The following EXOC6 variants were observed in gnomAD, a reference collection of about 807,000 sequenced individuals.
EXOC6 encodes the protein exocyst complex component 6.
In EXOC6, 60 loss-of-function variants were observed where a neutral mutation model predicts 112.5. The ratio of observed to expected loss-of-function variants is 0.53; its 90% CI spans 0.43 to 0.66. EXOC6 has a LOEUF of 0.66. Ranked by LOEUF, EXOC6 falls within the 30% of genes least tolerant of loss-of-function variation. The pLI is 0.00. For synonymous variants in EXOC6, 295 were observed against 308.0 expected, an observed-to-expected ratio of 0.96 and a Z score of 0.44; for missense variants, 855 against 957.1, an observed-to-expected ratio of 0.89 and a Z score of 1.41.
chr10:92,857,670 C>A (rs1024549124), intron 1 of EXOC6, among the ~76,000 whole-genome samples: 2 of 152,142 alleles, frequency 1.3e-5, no homozygotes, highest in Non-Finnish European at 2.9e-5. Context: ...GCCACCAATA[C>A]AATTATGTAC....
At chr10:93,036,454 C>T (rs1845520891) in intron 20 of EXOC6, among the ~76,000 whole-genome samples, 1 of 151,994 alleles carries the variant, frequency 6.6e-6, no homozygotes, top group Admixed American at 6.6e-5. Flanking sequence ...TTTTTAATTT[C>T]TTTGTACTGT....
At chr10:92,951,717 A>C (rs1350129796) in intron 14 of EXOC6, among the ~76,000 whole-genome samples, 1 of 152,232 alleles carries the variant, frequency 6.6e-6, no homozygotes, top group Non-Finnish European at 1.5e-5. Context: ...TAGTTTAGCC[A>C]GGAAGGACCC....
At chr10:92,913,090 T>C (rs1233980687) in intron 6 of EXOC6, among the ~76,000 whole-genome samples, 1 of 152,246 alleles carries the variant, frequency 6.6e-6, no homozygotes, top group Non-Finnish European at 1.5e-5. Flanking sequence ...CATGCAGTTT[T>C]GTATTTACAA....
intron 18 of EXOC6, among the ~76,000 whole-genome samples, chr10:92,988,555 A>T (rs1843102058): frequency 6.6e-6 from 1 of 152,198 alleles, no homozygotes. Context: ...TCTGAAGCAC[A>T]GTCTAATTTT....
intron 1 of EXOC6, among the ~76,000 whole-genome samples, chr10:92,829,560 A>G (rs1273158328): frequency 2.0e-5 from 3 of 152,176 alleles, no homozygotes; most frequent in Non-Finnish European, 4.4e-5. Flanking sequence ...TTTCCCAGAT[A>G]TGTTTCCTAG....
At chr10:92,930,459 C>G (rs1851964393) in intron 9 of EXOC6, among the ~76,000 whole-genome samples, 1 of 151,830 alleles carries the variant, frequency 6.6e-6, no homozygotes, top group South Asian at 2.1e-4. Context: ...GCCGACATCG[C>G]ACCATTGCAC....
intron 4 of EXOC6, 48 bp from the exon 5 acceptor site, chr10:92,899,550 AT>A: frequency 7.6e-7 from 1 of 1,309,214 alleles, no homozygotes; most frequent in Non-Finnish European, 1.1e-6. Context: ...ATGTCTCAAA[AT>A]ATTTTCTTTT....
intron 1 of EXOC6, among the ~76,000 whole-genome samples, chr10:92,827,474 CAAAAAAAAAAAAAAAAA>C (rs60863083): frequency 4.8e-4 from 16 of 33,196 alleles, no homozygotes; most frequent in Admixed American, 3.5e-3. Flanking sequence ...GCCCTGTTGC[CAAAAAAAAAAAAAAAAA>C]AAAAAAAAAA....
At chr10:92,949,503 TTTTA>T (rs1454952927) in intron 14 of EXOC6, among the ~76,000 whole-genome samples, 1 of 152,166 alleles carries the variant, frequency 6.6e-6, no homozygotes, top group Non-Finnish European at 1.5e-5. Flanking sequence ...TTTTTTTTTT[TTTTA>T]GTTACTGGTA....
intron 1 of EXOC6, among the ~76,000 whole-genome samples, chr10:92,855,414 A>G (rs1199075356): frequency 6.6e-6 from 1 of 152,090 alleles, no homozygotes; most frequent in East Asian, 1.9e-4. Flanking sequence ...TATCAGGGTA[A>G]TGCTGGCCTT....
chr10:92,946,988 C>A (rs1285333815), intron 13 of EXOC6, among the ~76,000 whole-genome samples: 2 of 152,160 alleles, frequency 1.3e-5, no homozygotes, highest in Admixed American at 1.3e-4. Context: ...GTATCTATCT[C>A]TCCTATTAGA....
At chr10:92,935,730 A>G (rs553233569) in intron 11 of EXOC6, 84 bp from the exon 12 acceptor site, 8 of 951,350 alleles carry the variant, frequency 8.4e-6, no homozygotes, top group African/African-American at 1.7e-5. Flanking sequence ...AACATTATCA[A>G]TTTCTTATTT....
intron 5 of EXOC6, among the ~76,000 whole-genome samples, chr10:92,908,215 C>A (rs139347487): frequency 1.3e-5 from 2 of 151,732 alleles, no homozygotes; most frequent in Admixed American, 6.6e-5. Context: ...CTACCACGCC[C>A]GACTAATTTT....
rs1038273583 is a variant in EXOC6, at chr10:93,029,970, G to A, written c.2169+15703G>A. Among the ~76,000 whole-genome samples, 13 of 150,626 alleles carry A rather than the reference G, an allele frequency of 8.6e-5. No homozygotes were observed. In the East Asian group the frequency reaches 9.8e-4, roughly 11 times the overall value. The stretch of plus-strand genomic sequence containing the variant: ...GTTGCCCAGGCTGGAGCGCAATGGC[G>A]CGATCTCGGCTCACTGCAACCTCTG... On this transcript the variant is annotated intron_variant, in intron 20 of 21. Coordinates refer to ENST00000260762, the MANE Select transcript of EXOC6 (RefSeq NM_019053.6).
chr10:92,934,210 A>G lies in EXOC6; in HGVS notation c.1019+20A>G, dbSNP rs776262260. 3.9e-6 allele frequency: 6 copies of G among 1,526,916 alleles called. No homozygotes were observed. Among genetic ancestry groups the G allele is most frequent in the African/African-American group, 1.4e-5 (1 of 71,320 alleles). The allele number at this position is 1,526,916 out of a possible 1,614,324, so 94.6% of individuals were successfully genotyped here. ...TGTAGGGTATGTATCTAATATGGAA[A>G]TAACTATTATTAATTTTATATTATG... is the stretch of plus-strand genomic sequence containing the variant. On this transcript the variant is annotated intron_variant, in intron 10 of 21. Coordinates refer to ENST00000260762, the MANE Select transcript of EXOC6 (RefSeq NM_019053.6).
chr10:92,875,982 A>G (rs965639939), intron 1 of EXOC6, among the ~76,000 whole-genome samples: 1 of 152,082 alleles, frequency 6.6e-6, no homozygotes, highest in South Asian at 2.1e-4. Flanking sequence ...AAAGTACTCC[A>G]TATTTGGTGT....
At chr10:92,862,402 G>A (rs1847952713) in intron 1 of EXOC6, among the ~76,000 whole-genome samples, 1 of 152,026 alleles carries the variant, frequency 6.6e-6, no homozygotes. Flanking sequence ...CATTTGGGTG[G>A]TAGTTAGGTC....
rs553350719 is a variant in EXOC6 at position 92,848,701 on chromosome 10, C to G, written c.101+67C>G. ...CGCCGGCCGCTCCTCACGAGCCGGG[C>G]GGGGCGTCCGCCGCCGGCCGCGCGC... On this transcript the variant is annotated intron_variant, in intron 1 of 21. Transcript: ENST00000260762. 756 of 1,182,438 alleles carry G rather than the reference C, an allele frequency of 6.4e-4. 8 individuals are homozygous for G. The African/African-American group carries it at 0.011, about 17-fold the overall frequency. 73.2% of individuals were successfully genotyped at this position (1,182,438 alleles called of 1,614,324 possible). A position where few individuals can be genotyped will look rare whatever the true frequency, so the allele number is the denominator to read the frequency against.
intron 18 of EXOC6, among the ~76,000 whole-genome samples, chr10:92,975,646 C>A (rs1469666648): frequency 1.5e-5 from 2 of 129,510 alleles, no homozygotes; most frequent in Admixed American, 7.4e-5. Context: ...GGCCAGCCAC[C>A]CCGTCCGGGA....
Sources: gnomAD v4.1 joint callset for allele counts (sites outside exome capture counted in the v4.1 genomes callset) on GRCh38, gnomAD v4.1.1 for gene constraint, MANE v1.5 for transcripts, NCBI Gene and HGNC (gene_info 2026-07-23, HGNC 2026-07-21) for gene names.